Variants in ERMARD observed in about 807,000 individuals in gnomAD.
ERMARD encodes the protein ER membrane associated RNA degradation, also known as endoplasmic reticulum membrane-associated RNA degradation protein.
Under a neutral mutation model 83.9 loss-of-function variants are expected in ERMARD, and 71 were observed. The observed-to-expected ratio is 0.85, with a 90% CI of 0.70 to 1.03. The LOEUF is 1.03. ERMARD is among the 50% of genes least tolerant of loss of function. The probability of loss-of-function intolerance (pLI) is 0.00; values close to 1 mark genes in which losing one functional copy is unlikely to be tolerated. For missense variants in ERMARD, 838 were observed against 810.9 expected (o/e 1.03, Z -0.41); for synonymous variants, 284 against 298.6 (o/e 0.95, Z 0.50).
Position 169,758,985 on chromosome 6 carries a change from C to T in ERMARD, c.525C>T (p.Val175=). 3.1e-6 allele frequency: 5 copies of T among 1,613,842 alleles called. No individual in the cohort carries two copies. The highest frequency in any genetic ancestry group is 4.2e-6 in the Non-Finnish European group (5 of 1,179,902). The change falls in exon 6 of 18, where the codon GTC becomes GTT. Residue 175 remains valine (V), a synonymous_variant. Coordinates refer to ENST00000366773, the MANE Select transcript of ERMARD (RefSeq NM_018341.3). The part of the protein sequence containing the change: ...FSQSVMNVLK[V]FVGSPCGLNL... The stretch of plus-strand genomic sequence containing the variant: ...CGGATTAGATGAATGTGCTAAAAGT[C>T]TTCGTTGGCTCTCCGTGTGGTCTCA...
At chr6:169,767,096 G>T (rs145799800) in intron 10 of ERMARD, 655 of 156,430 alleles carry the variant, frequency 4.2e-3, no homozygotes, top group African/African-American at 0.015. Flanking sequence ...GCCACGGAGC[G>T]CACAGGCATT....
chr6:169,751,400 G>A, upstream of ERMARD: 4 of 1,614,102 alleles, frequency 2.5e-6, no homozygotes, highest in Non-Finnish European at 3.4e-6. Context: ...AGCCTGCTGA[G>A]GGGTCTGGTT....
chr6:169,773,852 C>T (rs1274721134), intron 13 of ERMARD, among the ~76,000 whole-genome samples: 2 of 152,138 alleles, frequency 1.3e-5, no homozygotes, highest in Non-Finnish European at 2.9e-5. Flanking sequence ...TGGAAATCAG[C>T]TAAGGTGCTT....
At position 169,777,013 on chromosome 6, in the gene ERMARD, C is replaced by G. The variant is rs575513384; in HGVS notation, c.1739+340C>G. Among the ~76,000 whole-genome samples the G allele has an allele frequency of 3.9e-5, 6 of 152,260 alleles. No individual in the cohort carries two copies. The South Asian group carries it at 1.2e-3, about 32-fold the overall frequency. ...CGCAGGTGTAAGGTGTACATTGGTT[C>G]CATCTGGAAAGGCGGGAAAATACAA... On this transcript the variant is annotated intron_variant, in intron 16 of 17. Coordinates refer to ENST00000366773, the MANE Select transcript of ERMARD (RefSeq NM_018341.3).
At chr6:169,760,891 A>G (rs569538247) in intron 8 of ERMARD, 135 bp downstream of exon 8, 2 of 539,928 alleles carry the variant, frequency 3.7e-6, no homozygotes, top group South Asian at 3.4e-5. Context: ...AGACCTGAAA[A>G]TAAAACACCT....
At chr6:169,764,509 T>C (rs1254623306) in intron 9 of ERMARD, among the ~76,000 whole-genome samples, 1 of 152,122 alleles carries the variant, frequency 6.6e-6, no homozygotes, top group Non-Finnish European at 1.5e-5. Flanking sequence ...TGGGCATAAG[T>C]CATCCTTCTG....
At chr6:169,767,773 A>C in intron 10 of ERMARD, 1 of 346,944 alleles carries the variant, frequency 2.9e-6, no homozygotes, top group Non-Finnish European at 5.4e-6. Flanking sequence ...ACACACACAC[A>C]CACACACAGG....
rs769832428 is a variant in ERMARD, at chr6:169,756,414, C to T, written c.392C>T (p.Ser131Leu). Residue 131 changes from serine to leucine, a missense_variant, in exon 4 of 18, where the codon TCG (serine) becomes TTG (leucine). By Grantham distance (145) the Ser-to-Leu change is moderately radical (BLOSUM62 -2). Transcript: ENST00000366773. Reference sequence around the variant, plus strand: ...TCTCTTAGCTTAATGAAACTGACATCGTGTCTAGAACGAGCCTTGGGTGAT... The same window carrying T: ...TCTCTTAGCTTAATGAAACTGACATTGTGTCTAGAACGAGCCTTGGGTGAT... ...AISLSLMKLT[S>L]CLERALGDVF... 1.4e-5 allele frequency: 23 copies of T among 1,611,154 alleles called. No homozygotes were observed. The highest frequency in any genetic ancestry group is 1.3e-5 in the African/African-American group (1 of 74,814).
chr6:169,768,277 A>G lies in ERMARD; in HGVS notation c.1059+106A>G, dbSNP rs560639936. ...GGCTTGTGGTTTGCTCAAGAAAAATACTTCTGAAACATTGCTGTGCTGTCT... is the reference window on the plus strand; with the variant it reads ...GGCTTGTGGTTTGCTCAAGAAAAATGCTTCTGAAACATTGCTGTGCTGTCT... On this transcript the variant is annotated intron_variant, in intron 11 of 17. Coordinates refer to ENST00000366773, the MANE Select transcript of ERMARD (RefSeq NM_018341.3). 3.4e-4 allele frequency: 328 copies of G among 977,370 alleles called. 1 individual carries two copies. Among genetic ancestry groups the G allele is most frequent in the Non-Finnish European group, 4.7e-4 (300 of 642,506 alleles). 60.5% of individuals were successfully genotyped at this position (977,370 alleles called of 1,614,324 possible).
Position 169,754,181 on chromosome 6 carries a change from A to T in ERMARD, c.175+149A>T, listed in dbSNP as rs183771901. ...TCCAAGGAGAACAGGAATCAATGTG[A>T]AAAGAGAGGGAATGAGGCCAGAGAA... On this transcript the variant is annotated intron_variant, in intron 2 of 17. Coordinates refer to ENST00000366773, the MANE Select transcript of ERMARD (RefSeq NM_018341.3). The T allele has an allele frequency of 1.8e-4, 136 of 752,476 alleles. 1 individual carries two copies. The highest frequency in any genetic ancestry group is 1.3e-3 in the East Asian group (47 of 35,702). 46.6% of individuals were successfully genotyped at this position (752,476 alleles called of 1,614,324 possible). A position where few individuals can be genotyped will look rare whatever the true frequency, so the allele number is the denominator to read the frequency against.
chr6:169,763,198 G>A (rs1189581692), intron 9 of ERMARD, among the ~76,000 whole-genome samples: 4 of 152,272 alleles, frequency 2.6e-5, no homozygotes, highest in Non-Finnish European at 4.4e-5. Flanking sequence ...CAGAGATCTC[G>A]AAATAATATG....
rs573003364 is a variant in ERMARD, at chr6:169,760,725, G to A, written c.826G>A (p.Glu276Lys). ...ATTAAAAATCATGTTACCATATTGG[G>A]AAGTTGCACTGGTCAAGTTCAAGTC... ...FILKIMLPYW[E>K]VALVKFKSHR... Residue 276 changes from glutamate to lysine, a missense_variant, in exon 8 of 18, where the codon GAA becomes AAA. Physicochemically the swap from Glu to Lys is moderately conservative, Grantham distance 56. Transcript: ENST00000366773. 2.3e-4 allele frequency: 370 copies of A among 1,613,992 alleles called. 2 individuals are homozygous for A. The South Asian group carries it at 3.4e-3, about 15-fold the overall frequency.
In ERMARD at chr6:169,751,725, G is replaced by A. The variant is rs1485136977; in HGVS notation, c.6+62G>A. 2.7e-6 allele frequency: 4 copies of A among 1,506,288 alleles called. No homozygotes were observed. The East Asian group carries it at 1.0e-4, about 38-fold the overall frequency. 93.3% of individuals were successfully genotyped at this position (1,506,288 alleles called of 1,614,324 possible). On this transcript the variant is annotated intron_variant, in intron 1 of 17. Coordinates refer to ENST00000366773, the MANE Select transcript of ERMARD (RefSeq NM_018341.3). ...AGGCAGGGAGTCGGCGCCAGGCTGG[G>A]TGGTGCTCGGCTACGCGGAGTGGGC...
rs200022464 is a variant in ERMARD at position 169,773,414 on chromosome 6, G to T, written c.1317+12G>T. The T allele has an allele frequency of 5.6e-6, 9 of 1,613,944 alleles. No homozygotes were observed. The Admixed American group carries it at 1.3e-4, about 24-fold the overall frequency. On this transcript the variant is annotated intron_variant, in intron 13 of 17. Transcript: ENST00000366773. ...AGCTTAAAAAACAGGTATGCCAAAT[G>T]CAGGGTCCCGGGAGGGGCGTGTATG... is the stretch of plus-strand genomic sequence containing the variant.
rs200330797 is a variant in ERMARD, at chr6:169,751,662, A to T, written c.5A>T (p.Glu2Val). ...CGCAGCGGGGCACCGGAAGTTATGG[A>T]GGTAGGGCGGGTGTAGGGCCCGGTT... Reference protein sequence around the residue: MEVLIGDPITTC... With the variant: MVVLIGDPITTC... Residue 2 changes from glutamate to valine, a missense_variant and splice_region_variant, in exon 1 of 18, where the codon GAG (glutamate) becomes GTG (valine). Physicochemically the swap from Glu to Val is moderately radical, Grantham distance 121. Transcript: ENST00000366773. 1,123 of 1,559,082 alleles carry T rather than the reference A, an allele frequency of 7.2e-4. 7 individuals are homozygous for T. In the African/African-American group the frequency reaches 0.013, roughly 18 times the overall value.
At position 169,759,942 on chromosome 6, in the gene ERMARD, T is replaced by C; in HGVS notation, c.710T>C (p.Leu237Pro). 6.2e-7 allele frequency: 1 copy of C among 1,613,746 alleles called. No individual in the cohort carries two copies. The highest frequency in any genetic ancestry group is 1.6e-4 in the Middle Eastern group (1 of 6,062). The change falls in exon 7 of 18, where the codon CTT becomes CCT. Residue 237 changes from leucine (L) to proline (P), a missense_variant. Physicochemically the swap from Leu to Pro is moderately conservative, Grantham distance 98. Coordinates refer to ENST00000366773, the MANE Select transcript of ERMARD (RefSeq NM_018341.3). ...LTLAHRSFISLTNLEDLIVFP... is the reference protein window; with the variant it reads ...LTLAHRSFISPTNLEDLIVFP... ...TTGGCACATCGCTCTTTCATATCTC[T>C]TACAAACCTCGAGGATTTGATTGTT... is the stretch of plus-strand genomic sequence containing the variant.
In ERMARD at chr6:169,776,014, T is replaced by A; in HGVS notation, c.1469T>A (p.Met490Lys). Residue 490 changes from methionine (M) to lysine (K), a missense_variant, in exon 15 of 18, where the codon ATG (methionine) becomes AAG (lysine). Met to Lys is a moderately conservative substitution (Grantham distance 95). Transcript: ENST00000366773. Reference sequence around the variant, plus strand: ...ATGACGGATGAGCTGTATCACCATATGCCTGAGAATCGTTGTGTGTTAAAG... The same window carrying A: ...ATGACGGATGAGCTGTATCACCATAAGCCTGAGAATCGTTGTGTGTTAAAG... Reference protein sequence around the residue: ...TKMTDELYHHMPENRCVLKDL... With the variant: ...TKMTDELYHHKPENRCVLKDL... 1 of 1,614,224 alleles carries A rather than the reference T, an allele frequency of 6.2e-7. No individual in the cohort carries two copies. Among genetic ancestry groups the A allele is most frequent in the Non-Finnish European group, 8.5e-7 (1 of 1,180,036 alleles).
intron 10 of ERMARD, chr6:169,767,756 T>TAAC (rs113340912): frequency 3.9e-4 from 101 of 259,606 alleles, no homozygotes; most frequent in African/African-American, 1.9e-3. Flanking sequence ...GCACATACAC[T>TAAC]ACACACACAC....
intron 8 of ERMARD, among the ~76,000 whole-genome samples, chr6:169,761,150 A>G (rs1791499615): frequency 6.6e-6 from 1 of 152,198 alleles, no homozygotes; most frequent in Admixed American, 6.5e-5. Flanking sequence ...TTAGTTCCTT[A>G]AAGGATATTA....
Sources: gnomAD v4.1 joint callset for allele counts (sites outside exome capture counted in the v4.1 genomes callset) on GRCh38, gnomAD v4.1.1 for gene constraint, MANE v1.5 for transcripts, NCBI Gene and HGNC (gene_info 2026-07-23, HGNC 2026-07-21) for gene names.